The following IRX6 variants were observed in gnomAD, a reference collection of about 807,000 sequenced individuals.
The protein encoded by IRX6 is iroquois-class homeodomain protein IRX-6.
A neutral mutation model predicts 47.7 loss-of-function variants in IRX6; 46 were observed. The ratio of observed to expected loss-of-function variants is 0.96; its 90% CI spans 0.76 to 1.23. IRX6 has a LOEUF of 1.23. IRX6 is among the 50% of genes most tolerant of loss of function. The pLI, the probability that IRX6 is intolerant of heterozygous loss-of-function variation, is 0.00. For synonymous variants in IRX6, 265 were observed against 246.2 expected (o/e 1.08, Z -0.72); for missense variants, 722 against 588.0 (o/e 1.23, Z -2.36).
Position 55,324,904 on chromosome 16 carries a change from G to C in IRX6, c.-188G>C. 1.6e-6 allele frequency: 1 copy of C among 616,332 alleles called. No homozygotes were observed. The allele number at this position is 616,332 out of a possible 1,614,324, so 38.2% of individuals were successfully genotyped here. Reference sequence around the variant, plus strand: ...CCACGGGCCGGAGGGGCGCCTTCCGGAGCGCAGGGCTCGGCAGCCGGGCTG... The same window carrying C: ...CCACGGGCCGGAGGGGCGCCTTCCGCAGCGCAGGGCTCGGCAGCCGGGCTG... On this transcript the variant is annotated 5_prime_UTR_variant, in exon 1 of 6. Transcript: ENST00000290552. The surrounding 1 kb of genome is among the most constrained non-coding windows in gnomAD (Gnocchi z 4.4).
chr16:55,327,773 C>T lies in IRX6; in HGVS notation c.601C>T (p.Arg201Cys), dbSNP rs775606320. 6 of 1,612,370 alleles carry T rather than the reference C, an allele frequency of 3.7e-6. No individual in the cohort carries two copies. The highest frequency in any genetic ancestry group is 2.2e-5 in the South Asian group (2 of 91,004). The stretch of plus-strand genomic sequence containing the variant: ...GGTGTCCACCTGGTTCGCCAACGCA[C>T]GCCGGCGCCTCAAGAAAGAGAACAA... ...TQVSTWFANA[R>C]RRLKKENKMT... is the part of the protein sequence containing the mutation. The change falls in exon 4 of 6, where the codon CGC becomes TGC. Residue 201 changes from arginine (R) to cysteine (C), a missense_variant. Arg to Cys is a radical substitution (Grantham distance 180). Coordinates refer to ENST00000290552, the MANE Select transcript of IRX6 (RefSeq NM_024335.3).
intron 4 of IRX6, among the ~76,000 whole-genome samples, chr16:55,328,133 C>T (rs1232975089): frequency 6.6e-6 from 1 of 152,088 alleles, no homozygotes; most frequent in Non-Finnish European, 1.5e-5. Flanking sequence ...CTCACCCAAG[C>T]CAAAATAGCC....
rs772053249 is a variant in IRX6, at chr16:55,326,514, A to T, written c.224A>T (p.Tyr75Phe). ...GAALGIYGAP[Y>F]AAAAAAQSYP... is the part of the protein sequence containing the mutation. ...GCCTTGGGCATCTATGGAGCACCCT[A>T]TGCGGCCGCTGCAGCTGCCCAGAGC... is the stretch of plus-strand genomic sequence containing the variant. The change falls in exon 2 of 6, where the codon TAT becomes TTT. Residue 75 changes from tyrosine to phenylalanine, a missense_variant. Coordinates refer to ENST00000290552, the MANE Select transcript of IRX6 (RefSeq NM_024335.3). The T allele has an allele frequency of 1.2e-6, 2 of 1,608,134 alleles. No homozygotes were observed. Among genetic ancestry groups the T allele is most frequent in the Non-Finnish European group, 1.7e-6 (2 of 1,177,504 alleles).
At position 55,326,964 on chromosome 16, in the gene IRX6, G is replaced by T. The variant is rs1310228639; in HGVS notation, c.304-332G>T. ...GTGTGTTGTGGGGCAGGGGGCGGGGGGTGGGGGGCAGTAAGGGGGGAAAGG... is the reference window on the plus strand; with the variant it reads ...GTGTGTTGTGGGGCAGGGGGCGGGGTGTGGGGGGCAGTAAGGGGGGAAAGG... On this transcript the variant is annotated intron_variant, in intron 2 of 5. Transcript: ENST00000290552. 9.3e-5 allele frequency: 12 copies of T among 128,992 alleles called. 1 individual carries two copies. The East Asian group carries it at 3.6e-3, about 39-fold the overall frequency. The allele number at this position is 128,992 out of a possible 1,614,324, so 8.0% of individuals were successfully genotyped here.
chr16:55,329,249 G>A lies in IRX6; in HGVS notation c.1271G>A (p.Cys424Tyr). The A allele has an allele frequency of 6.2e-7, 1 of 1,613,622 alleles. No individual in the cohort carries two copies. Among genetic ancestry groups the A allele is most frequent in the Non-Finnish European group, 8.5e-7 (1 of 1,179,982 alleles). Residue 424 changes from cysteine to tyrosine, a missense_variant, in exon 5 of 6, where the codon TGT becomes TAT. Physicochemically the swap from Cys to Tyr is radical, Grantham distance 194. Transcript: ENST00000290552. ...KFALQGLPLN[C>Y]APCPRRSEPV... ...GCCCTGCAGGGACTACCGCTGAACT[G>A]TGCGCCGTGCCCGCGGAGGAGCGAG...
intron 5 of IRX6, 138 bp downstream of exon 5, chr16:55,329,449 C>T (rs1384056040): frequency 4.5e-5 from 50 of 1,115,394 alleles, no homozygotes; most frequent in Non-Finnish European, 6.0e-5. Flanking sequence ...CTTTACAGCG[C>T]TCTTTCAGAC....
rs749630892 is a variant in IRX6, at chr16:55,328,771, G to T, written c.793G>T (p.Glu265Ter). Residue 265 changes from glutamate (E) to a stop codon, truncating the protein, a stop_gained, in exon 5 of 6, where the codon GAG becomes TAG. Coordinates refer to ENST00000290552, the MANE Select transcript of IRX6 (RefSeq NM_024335.3). LOFTEE classifies it high-confidence loss of function. ...DLEDLEEEEE[E>*]EEEAEDEEVV... ...GGAAGACCTGGAGGAAGAGGAGGAG[G>T]AGGAGGAGGAAGCTGAAGACGAGGA... 1.2e-6 allele frequency: 2 copies of T among 1,613,282 alleles called. No individual in the cohort carries two copies. Among genetic ancestry groups the T allele is most frequent in the East Asian group, 4.5e-5 (2 of 44,868 alleles).
In IRX6 at chr16:55,326,509, ACCCTATGCGG is replaced by A. The variant is rs1200131584; in HGVS notation, c.222_231del (p.Tyr75LeufsTer24). 3.7e-6 allele frequency: 6 copies of A among 1,609,634 alleles called. 1 individual carries two copies. In the East Asian group the frequency reaches 1.3e-4, roughly 36 times the overall value. ...GCGCCGCCTTGGGCATCTATGGAGC[ACCCTATGCGG>A]CCGCTGCAGCTGCCCAGAGCTACCC... On this transcript the variant is annotated frameshift_variant, in exon 2 of 6. Coordinates refer to ENST00000290552, the MANE Select transcript of IRX6 (RefSeq NM_024335.3). LOFTEE classifies it high-confidence loss of function.
rs1361452228 is a variant in IRX6, at chr16:55,327,826, T to G, written c.654T>G (p.Gly218=). 6.2e-7 allele frequency: 1 copy of G among 1,612,376 alleles called. No individual in the cohort carries two copies. Residue 218 remains glycine, a synonymous_variant, in exon 4 of 6, where the codon GGT becomes GGG. Coordinates refer to ENST00000290552, the MANE Select transcript of IRX6 (RefSeq NM_024335.3). ...NKMTWAPKNK[G]GEERKAEGGE... ...TGACATGGGCGCCCAAGAACAAAGG[T>G]GGGGAGGAGAGGAAGGCAGAGGGAG...
chr16:55,327,787 G>A lies in IRX6; in HGVS notation c.615G>A (p.Lys205=). ...TWFANARRRL[K]KENKMTWAPK... The stretch of plus-strand genomic sequence containing the variant: ...TCGCCAACGCACGCCGGCGCCTCAA[G>A]AAAGAGAACAAAATGACATGGGCGC... Residue 205 remains lysine, a synonymous_variant, in exon 4 of 6, where the codon AAG becomes AAA. Coordinates refer to ENST00000290552, the MANE Select transcript of IRX6 (RefSeq NM_024335.3). 6.2e-7 allele frequency: 1 copy of A among 1,612,752 alleles called. No individual in the cohort carries two copies. Among genetic ancestry groups the A allele is most frequent in the Non-Finnish European group, 8.5e-7 (1 of 1,179,862 alleles).
intron 4 of IRX6, among the ~76,000 whole-genome samples, chr16:55,328,229 C>T (rs969319455): frequency 1.3e-5 from 2 of 152,158 alleles, no homozygotes; most frequent in Non-Finnish European, 2.9e-5. Context: ...CCCAACTTCC[C>T]TCTCTAGAAT....
intron 5 of IRX6, 69 bp downstream of exon 5, chr16:55,329,380 T>C: frequency 6.6e-7 from 1 of 1,517,910 alleles, no homozygotes; most frequent in African/African-American, 1.4e-5. Flanking sequence ...CGCCCGGCAA[T>C]TGCACACCCT....
At position 55,326,472 on chromosome 16, in the gene IRX6, G is replaced by A. The variant is rs773356371; in HGVS notation, c.182G>A (p.Arg61Gln). ...PYDSRLLGSA[R>Q]PELGAALGIY... ...GATAGTCGACTGCTGGGCAGTGCGC[G>A]ACCGGAGCTGGGCGCCGCCTTGGGC... Residue 61 changes from arginine (R) to glutamine (Q), a missense_variant, in exon 2 of 6, where the codon CGA becomes CAA. By Grantham distance (43) the Arg-to-Gln change is conservative (BLOSUM62 1). Transcript: ENST00000290552. The A allele has an allele frequency of 2.5e-6, 4 of 1,613,298 alleles. No homozygotes were observed. Among genetic ancestry groups the A allele is most frequent in the Admixed American group, 1.7e-5 (1 of 59,950 alleles).
At chr16:55,329,411 G>GGA in intron 5 of IRX6, 100 bp downstream of exon 5, 2 of 1,444,624 alleles carry the variant, frequency 1.4e-6, no homozygotes, top group Non-Finnish European at 1.8e-6. Flanking sequence ...AGTCTGCCCA[G>GGA]GTCTCCCACA....
At chr16:55,330,022 TC>T (rs1430673721) in intron 5 of IRX6, among the ~76,000 whole-genome samples, 2 of 152,178 alleles carry the variant, frequency 1.3e-5, no homozygotes, top group Non-Finnish European at 2.9e-5. Context: ...GGGAATTTCA[TC>T]CCACAAAGGG....
chr16:55,325,715 C>T (rs1352450216), intron 1 of IRX6: 1 of 153,540 alleles, frequency 6.5e-6, no homozygotes, highest in African/African-American at 2.4e-5. Context: ...GGCCCAAGCT[C>T]TCCGGTTCCC....
intron 1 of IRX6, among the ~76,000 whole-genome samples, chr16:55,325,505 A>C (rs1163295112): frequency 0.016 from 339 of 21,650 alleles, 18 homozygotes; most frequent in Middle Eastern, 0.026. Context: ...GAAGGAAGGA[A>C]GGAAGGAAGG....
At chr16:55,328,301 T>C (rs1428161066) in intron 4 of IRX6, among the ~76,000 whole-genome samples, 1 of 152,220 alleles carries the variant, frequency 6.6e-6, no homozygotes, top group Non-Finnish European at 1.5e-5. Flanking sequence ...ACCTAAATGA[T>C]GGCTGGTGCT....
chr16:55,327,407 T>G lies in IRX6; in HGVS notation c.413+2T>G. Reference sequence around the variant, plus strand: ...TCTGGGGCAGTACCAATATGAACGGTAAGGAGTGAAGGGCCTTGGTGACTG... The same window carrying G: ...TCTGGGGCAGTACCAATATGAACGGGAAGGAGTGAAGGGCCTTGGTGACTG... On this transcript the variant is annotated splice_donor_variant, in intron 3 of 5. Coordinates refer to ENST00000290552, the MANE Select transcript of IRX6 (RefSeq NM_024335.3). LOFTEE classifies it high-confidence loss of function. The G allele has an allele frequency of 6.2e-7, 1 of 1,609,196 alleles. No homozygotes were observed. The highest frequency in any genetic ancestry group is 1.1e-5 in the South Asian group (1 of 90,960).
Sources: allele counts gnomAD v4.1 joint callset (sites outside exome capture counted in the v4.1 genomes callset), GRCh38; gene constraint gnomAD v4.1.1; non-coding constraint Gnocchi (gnomAD v3.1); transcripts MANE v1.5; gene names NCBI Gene and HGNC (gene_info 2026-07-23, HGNC 2026-07-21).